The following MOK variants were observed in gnomAD, a reference collection of about 807,000 sequenced individuals.
MOK encodes the protein MOK protein kinase.
Under a neutral mutation model 54.2 loss-of-function variants are expected in MOK, and 59 were observed. The observed-to-expected ratio is 1.09, with a 90% CI of 0.88 to 1.35. The LOEUF is 1.35. Ranked by LOEUF, MOK falls within the 40% of genes most tolerant of loss-of-function variation. The pLI is 0.00. For synonymous variants in MOK, 210 were observed against 202.7 expected, an observed-to-expected ratio of 1.04 and a Z score of -0.31; for missense variants, 517 against 526.2, an observed-to-expected ratio of 0.98 and a Z score of 0.17.
chr14:102,258,350 T>G (rs78288877), intron 4 of MOK, among the ~76,000 whole-genome samples: 1,561 of 152,340 alleles, frequency 0.01, 26 homozygotes, highest in African/African-American at 0.036. Flanking sequence ...TCAGGGCCTT[T>G]GCACTGGCTG....
chr14:102,299,781 G>A (rs1019788450), intron 1 of MOK, among the ~76,000 whole-genome samples: 8 of 152,080 alleles, frequency 5.3e-5, no homozygotes, highest in East Asian at 1.9e-4. Flanking sequence ...ACAGAGTCTC[G>A]TCATGTTGCC....
intron 2 of MOK, among the ~76,000 whole-genome samples, chr14:102,270,313 C>T (rs1260565117): frequency 6.6e-6 from 1 of 152,068 alleles, no homozygotes; most frequent in Non-Finnish European, 1.5e-5. Flanking sequence ...ATCTAAATGT[C>T]CCCCTTGGCC....
chr14:102,299,191 C>G (rs2071854211), intron 1 of MOK, among the ~76,000 whole-genome samples: 1 of 152,128 alleles, frequency 6.6e-6, no homozygotes, highest in Admixed American at 6.6e-5. Flanking sequence ...CAGTTTAAAC[C>G]TCATTGTAAT....
chr14:102,302,979 T>A (rs1367867410), intron 1 of MOK, among the ~76,000 whole-genome samples: 1 of 151,314 alleles, frequency 6.6e-6, no homozygotes, highest in Non-Finnish European at 1.5e-5. Context: ...CTGGCCAACA[T>A]GTTGAAACCC....
intron 7 of MOK, chr14:102,234,187 G>A (rs568524172): frequency 2.1e-4 from 39 of 189,352 alleles, no homozygotes; most frequent in African/African-American, 6.3e-4. Context: ...GCCGAAACCC[G>A]GGAAGGGGGA....
chr14:102,222,114 C>T (rs561106551), downstream of MOK, among the ~76,000 whole-genome samples: 97 of 151,520 alleles, frequency 6.4e-4, no homozygotes, highest in Middle Eastern at 3.4e-3. This position sits in a 1 kb window ranked among gnomAD's most constrained non-coding sequence, Gnocchi z 4.4. Flanking sequence ...GTGAGCCTCT[C>T]AGCAGGAGCC....
downstream of MOK, among the ~76,000 whole-genome samples, chr14:102,228,117 G>A (rs993596108): frequency 3.9e-5 from 6 of 152,192 alleles, no homozygotes; most frequent in African/African-American, 1.4e-4. Context: ...GGGGAAACAG[G>A]TTTCTCTTTC....
At position 102,232,852 on chromosome 14, in the gene MOK, C is replaced by T; in HGVS notation, c.693-144G>A. 1.6e-6 allele frequency: 1 copy of T among 642,032 alleles called. No homozygotes were observed. Among genetic ancestry groups the T allele is most frequent in the Non-Finnish European group, 2.6e-6 (1 of 384,314 alleles). The allele number at this position is 642,032 out of a possible 1,614,324, so 39.8% of individuals were successfully genotyped here. Reference sequence around the variant, plus strand: ...CCTGTCCCAGCCCACAGAACGTGCACCACCAAGAGGGACCCCTGATGTAAA... The same window carrying T: ...CCTGTCCCAGCCCACAGAACGTGCATCACCAAGAGGGACCCCTGATGTAAA... On this transcript the variant is annotated intron_variant, in intron 8 of 11. Transcript: ENST00000361847. This position sits in a 1 kb window ranked among gnomAD's most constrained non-coding sequence, Gnocchi z 5.1.
intron 1 of MOK, among the ~76,000 whole-genome samples, chr14:102,298,915 G>A (rs973875225): frequency 2.0e-5 from 3 of 152,238 alleles, no homozygotes; most frequent in East Asian, 1.9e-4. Flanking sequence ...CCTTCAGAGC[G>A]ATAACACTCA....
intron 1 of MOK, among the ~76,000 whole-genome samples, chr14:102,304,159 T>C (rs1211019066): frequency 2.6e-5 from 4 of 152,244 alleles, no homozygotes; most frequent in Non-Finnish European, 4.4e-5. Flanking sequence ...ACAATTAGGA[T>C]ACAATGCAAA....
Position 102,253,853 on chromosome 14 carries a change from T to C in MOK, c.284-1858A>G, listed in dbSNP as rs568014708. On this transcript the variant is annotated intron_variant, in intron 4 of 11. Transcript: ENST00000361847. ...CACTTCCTCCCTCCATGAGCACATATACCATTTGACACTTTTGGTCCTAAG... is the reference window on the plus strand; with the variant it reads ...CACTTCCTCCCTCCATGAGCACATACACCATTTGACACTTTTGGTCCTAAG... 1.1e-4 allele frequency among the ~76,000 whole-genome samples: 17 copies of C among 152,358 alleles called. No homozygotes were observed. The South Asian group carries it at 2.9e-3, about 26-fold the overall frequency.
intron 2 of MOK, among the ~76,000 whole-genome samples, chr14:102,282,165 G>C (rs192533629): frequency 7.7e-4 from 117 of 152,202 alleles, no homozygotes; most frequent in African/African-American, 2.6e-3. Flanking sequence ...CCAGCACTTT[G>C]GGAGGCTGAG....
intron 1 of MOK, among the ~76,000 whole-genome samples, chr14:102,295,096 A>C (rs1163063990): frequency 3.9e-5 from 6 of 152,206 alleles, no homozygotes; most frequent in Admixed American, 3.3e-4. Flanking sequence ...AACAAGAAAC[A>C]CTGAAATGCA....
chr14:102,225,942 C>T (rs772805505), downstream of MOK: 2 of 246,946 alleles, frequency 8.1e-6, no homozygotes, highest in East Asian at 1.1e-4. Context: ...ACACTTCTGG[C>T]GTTGGAGAAT....
downstream of MOK, among the ~76,000 whole-genome samples, chr14:102,220,062 G>T (rs964521149): frequency 6.6e-6 from 1 of 152,254 alleles, no homozygotes; most frequent in Non-Finnish European, 1.5e-5. The surrounding 1 kb of genome is among the most constrained non-coding windows in gnomAD (Gnocchi z 4.2). Context: ...CCTCGCGTTG[G>T]GTCGCTTTCT....
downstream of MOK, among the ~76,000 whole-genome samples, chr14:102,219,776 C>T (rs1264172160): frequency 6.6e-6 from 1 of 152,240 alleles, no homozygotes; most frequent in Non-Finnish European, 1.5e-5. Context: ...TTAACCAGGG[C>T]TGCCATCAAA....
intron 2 of MOK, among the ~76,000 whole-genome samples, chr14:102,278,141 C>T (rs2069059322): frequency 6.6e-6 from 1 of 152,166 alleles, no homozygotes; most frequent in Non-Finnish European, 1.5e-5. Flanking sequence ...GATACCAGAC[C>T]TGTCTGCCAG....
At chr14:102,298,527 A>T (rs1373441109) in intron 1 of MOK, among the ~76,000 whole-genome samples, 4 of 152,194 alleles carry the variant, frequency 2.6e-5, no homozygotes, top group Non-Finnish European at 5.9e-5. Context: ...TCTCACGGGG[A>T]CTTGGAGAAC....
At chr14:102,261,418 A>AATATATATATATAT (rs1197835093) in intron 4 of MOK, among the ~76,000 whole-genome samples, 5 of 42,824 alleles carry the variant, frequency 1.2e-4, no homozygotes, top group African/African-American at 2.2e-4. Context: ...AAAAAAAAAA[A>AATATATATATATAT]ATATATATAT....
Sources: allele counts gnomAD v4.1 joint callset (sites outside exome capture counted in the v4.1 genomes callset), GRCh38; gene constraint gnomAD v4.1.1; non-coding constraint Gnocchi (gnomAD v3.1); transcripts MANE v1.5; gene names NCBI Gene and HGNC (gene_info 2026-07-23, HGNC 2026-07-21).